Variants in TSNARE1 observed in about 807,000 individuals in gnomAD.
TSNARE1 encodes t-SNARE domain-containing protein 1.
TSNARE1 carries 49 observed loss-of-function variants against 62.0 expected under a neutral mutation model. The ratio of observed to expected loss-of-function variants is 0.79; its 90% CI spans 0.63 to 1.00. The LOEUF is 1.00. Ranked by LOEUF, TSNARE1 falls within the 50% of genes least tolerant of loss-of-function variation. The pLI is 0.00. For missense variants in TSNARE1, 755 were observed against 700.1 expected, an observed-to-expected ratio of 1.08 and a Z score of -0.88; for synonymous variants, 328 against 294.4, an observed-to-expected ratio of 1.11 and a Z score of -1.17.
At chr8:142,326,722 G>C (rs944308460) in intron 6 of TSNARE1, among the ~76,000 whole-genome samples, 1 of 152,220 alleles carries the variant, frequency 6.6e-6, no homozygotes, top group Non-Finnish European at 1.5e-5. Flanking sequence ...GCCCTGGAGA[G>C]CATGGGCTGC....
chr8:142,304,598 G>A (rs1826353684), intron 9 of TSNARE1, among the ~76,000 whole-genome samples: 2 of 152,240 alleles, frequency 1.3e-5, no homozygotes, highest in South Asian at 4.1e-4. Context: ...TTCACTTCCT[G>A]TGTGGGCCTG....
At position 142,286,018 on chromosome 8, in the gene TSNARE1, G is replaced by C. The variant is rs149498142; in HGVS notation, c.1291-1533C>G. The stretch of plus-strand genomic sequence containing the variant: ...GACCTCCAGGGCCTCTCGGAAAGGG[G>C]AAGAGTTGGGATTCAGACCCCTGCC... On this transcript the variant is annotated intron_variant, in intron 10 of 13. Coordinates refer to ENST00000524325, the MANE Select transcript of TSNARE1 (RefSeq NM_145003.5). Among the ~76,000 whole-genome samples, 1,153 of 152,294 alleles carry C rather than the reference G, an allele frequency of 7.6e-3. 13 individuals are homozygous for C. The highest frequency in any genetic ancestry group is 0.026 in the African/African-American group (1,092 of 41,560).
At chr8:142,381,442 C>T (rs1231988972) in intron 1 of TSNARE1, among the ~76,000 whole-genome samples, 2 of 151,816 alleles carry the variant, frequency 1.3e-5, no homozygotes, top group Non-Finnish European at 1.5e-5. Flanking sequence ...ACCCAATGGG[C>T]TCTCCCCTTG....
chr8:142,367,068 G>A (rs1835602143), intron 1 of TSNARE1, among the ~76,000 whole-genome samples: 1 of 152,106 alleles, frequency 6.6e-6, no homozygotes, highest in South Asian at 2.1e-4. Flanking sequence ...CATGAAATGG[G>A]AAAAATCTCT....
intron 13 of TSNARE1, among the ~76,000 whole-genome samples, chr8:142,221,144 C>A (rs1036695891): frequency 1.3e-5 from 2 of 152,216 alleles, no homozygotes; most frequent in African/African-American, 4.8e-5. Flanking sequence ...GTTTTCTCAT[C>A]TGAGAAATGG....
In TSNARE1 at chr8:142,361,804, GCA is replaced by G. The variant is rs377380994; in HGVS notation, c.-39-7043_-39-7042del. ...GAGCTGTCAGTTCACAGGGACGGGT[GCA>G]CACACACAGGGAGCAGAGGCCTAGA... On this transcript the variant is annotated intron_variant, in intron 1 of 13. Coordinates refer to ENST00000524325, the MANE Select transcript of TSNARE1 (RefSeq NM_145003.5). Among the ~76,000 whole-genome samples the G allele has an allele frequency of 3.7e-4, 56 of 152,268 alleles. No individual in the cohort carries two copies. The East Asian group carries it at 7.2e-3, about 19-fold the overall frequency.
intron 6 of TSNARE1, among the ~76,000 whole-genome samples, chr8:142,321,220 A>G (rs944157019): frequency 6.6e-6 from 1 of 152,164 alleles, no homozygotes; most frequent in Non-Finnish European, 1.5e-5. Context: ...TGCTCGTCCC[A>G]ATAAAAGGCC....
intron 12 of TSNARE1, among the ~76,000 whole-genome samples, chr8:142,244,438 ATCAC>A (rs199774338): frequency 2.8e-5 from 3 of 107,720 alleles, no homozygotes; most frequent in Non-Finnish European, 5.4e-5. Flanking sequence ...AAAGAAAATC[ATCAC>A]TTACATGTAT....
intron 2 of TSNARE1, among the ~76,000 whole-genome samples, chr8:142,346,837 G>A (rs1422515364): frequency 6.6e-6 from 1 of 152,210 alleles, no homozygotes; most frequent in Non-Finnish European, 1.5e-5. Flanking sequence ...GTGACACTAG[G>A]GGCCGCCCTG....
chr8:142,357,156 G>C (rs950285734), intron 1 of TSNARE1, among the ~76,000 whole-genome samples: 1 of 152,208 alleles, frequency 6.6e-6, no homozygotes, highest in African/African-American at 2.4e-5. Flanking sequence ...GAGGGCCAGG[G>C]GAAGAGAATC....
intron 11 of TSNARE1, chr8:142,276,358 G>A: frequency 1.0e-6 from 1 of 985,468 alleles, no homozygotes; most frequent in African/African-American, 1.7e-5. Flanking sequence ...GGGGCCAGAG[G>A]TGTGACGGAT....
rs538952369 is a variant in TSNARE1 at position 142,319,465 on chromosome 8, G to A, written c.894-831C>T. 3.3e-5 allele frequency among the ~76,000 whole-genome samples: 5 copies of A among 152,164 alleles called. No individual in the cohort carries two copies. Among genetic ancestry groups the A allele is most frequent in the East Asian group, 1.9e-4 (1 of 5,140 alleles). On this transcript the variant is annotated intron_variant, in intron 6 of 13. Transcript: ENST00000524325. This position sits in a 1 kb window ranked among gnomAD's most constrained non-coding sequence, Gnocchi z 4.9. ...AACTGGGAAGACCAGCCCGTCTCCC[G>A]CTTGGGGTTCGCCACCCCCATCCCT...
chr8:142,283,841 A>AGT, intron 11 of TSNARE1, among the ~76,000 whole-genome samples: 1 of 127,454 alleles, frequency 7.8e-6, no homozygotes, highest in East Asian at 2.3e-4. Flanking sequence ...CAATGAGCAG[A>AGT]GGCAGGGTTA....
rs890368652 is a variant in TSNARE1, at chr8:142,291,948, C to A, written c.1291-7463G>T. ...GTCAGCTGCCTCTCCCGTGGACGGT[C>A]ACAGCAACGCACGCCCCCCCCGGCC... On this transcript the variant is annotated intron_variant, in intron 10 of 13. Coordinates refer to ENST00000524325, the MANE Select transcript of TSNARE1 (RefSeq NM_145003.5). This position sits in a 1 kb window ranked among gnomAD's most constrained non-coding sequence, Gnocchi z 4.8. Among the ~76,000 whole-genome samples, 13 of 151,892 alleles carry A rather than the reference C, an allele frequency of 8.6e-5. No homozygotes were observed. The highest frequency in any genetic ancestry group is 2.7e-4 in the African/African-American group (11 of 41,312).
intron 1 of TSNARE1, among the ~76,000 whole-genome samples, chr8:142,362,300 G>A (rs1051649321): frequency 4.6e-5 from 7 of 152,208 alleles, no homozygotes; most frequent in Non-Finnish European, 5.9e-5. Context: ...TCTTCCCACC[G>A]TGAATTAGCT....
rs372741288 is a variant in TSNARE1, at chr8:142,282,801, A to G, written c.1363+1612T>C. Among the ~76,000 whole-genome samples, 219 of 140,390 alleles carry G rather than the reference A, an allele frequency of 1.6e-3. 2 individuals are homozygous for G. In the East Asian group the frequency reaches 0.026, roughly 17 times the overall value. 92.1% of individuals were successfully genotyped at this position (140,390 alleles called of 152,430 possible). A position where few individuals can be genotyped will look rare whatever the true frequency, so the allele number is the denominator to read the frequency against. The stretch of plus-strand genomic sequence containing the variant: ...GCAGAGGCGGGGTCAGTGTCTGCCA[A>G]TGAGCAGAGGCGGGACCAGTGTCTG... On this transcript the variant is annotated intron_variant, in intron 11 of 13. Coordinates refer to ENST00000524325, the MANE Select transcript of TSNARE1 (RefSeq NM_145003.5).
intron 1 of TSNARE1, among the ~76,000 whole-genome samples, chr8:142,374,453 CG>C (rs1836165716): frequency 6.6e-6 from 1 of 151,366 alleles, no homozygotes. Context: ...CCGAGGTAGG[CG>C]GATCACGAGG....
At chr8:142,335,351 A>T (rs1831607756) in intron 4 of TSNARE1, among the ~76,000 whole-genome samples, 1 of 152,236 alleles carries the variant, frequency 6.6e-6, no homozygotes, top group African/African-American at 2.4e-5. Flanking sequence ...TGTGTTATAA[A>T]TGACGTGTGG....
intron 12 of TSNARE1, among the ~76,000 whole-genome samples, chr8:142,272,407 TTCC>T (rs1479367728): frequency 1.4e-3 from 195 of 140,318 alleles, no homozygotes; most frequent in African/African-American, 4.8e-3. Flanking sequence ...CATCTACACC[TTCC>T]TCCTTCCATC....
Sources: allele counts gnomAD v4.1 joint callset (sites outside exome capture counted in the v4.1 genomes callset), GRCh38; gene constraint gnomAD v4.1.1; non-coding constraint Gnocchi (gnomAD v3.1); transcripts MANE v1.5; gene names NCBI Gene and HGNC (gene_info 2026-07-23, HGNC 2026-07-21).